The following ERBB4 variants were observed in gnomAD, a reference collection of about 807,000 sequenced individuals.
ERBB4 encodes erb-b2 receptor tyrosine kinase 4.
ERBB4 carries 42 observed loss-of-function variants against 158.0 expected under a neutral mutation model. That is an observed-to-expected ratio of 0.27 (90% CI 0.21 to 0.34). ERBB4 has a LOEUF of 0.34. ERBB4 is among the 10% of genes least tolerant of loss of function. The pLI, the probability that ERBB4 is intolerant of heterozygous loss-of-function variation, is 1.00. For missense variants in ERBB4, 1,333 were observed against 1,624.1 expected, an observed-to-expected ratio of 0.82 and a Z score of 3.08; for synonymous variants, 583 against 558.7, an observed-to-expected ratio of 1.04 and a Z score of -0.61.
chr2:211,877,570 T>A (rs976521467), intron 3 of ERBB4, among the ~76,000 whole-genome samples: 1 of 151,984 alleles, frequency 6.6e-6, no homozygotes, highest in Non-Finnish European at 1.5e-5. Flanking sequence ...AAATGTCTTT[T>A]TTTTTTTCCA....
intron 25 of ERBB4, among the ~76,000 whole-genome samples, chr2:211,389,260 C>T (rs2062751822): frequency 6.6e-6 from 1 of 152,154 alleles, no homozygotes; most frequent in South Asian, 2.1e-4. Context: ...TAGTCTCAAT[C>T]TCCTGACCTG....
intron 1 of ERBB4, among the ~76,000 whole-genome samples, chr2:212,153,775 T>C (rs1053315042): frequency 1.3e-5 from 2 of 152,166 alleles, no homozygotes; most frequent in African/African-American, 2.4e-5. Context: ...CACTTTCTAG[T>C]TCCAGTGAAG....
chr2:211,941,574 G>A lies in ERBB4; in HGVS notation c.421+5856C>T, dbSNP rs1328578782. 2.0e-5 allele frequency among the ~76,000 whole-genome samples: 3 copies of A among 152,066 alleles called. No individual in the cohort carries two copies. The East Asian group carries it at 5.8e-4, about 29-fold the overall frequency. On this transcript the variant is annotated intron_variant, in intron 3 of 27. Transcript: ENST00000342788. ...CAACAGGTGCTTGGCATGAAACACT[G>A]AAAGACAGGAGAGAAGTGCTGTGAG...
chr2:212,127,406 C>T (rs1280133356), intron 1 of ERBB4, among the ~76,000 whole-genome samples: 5 of 152,166 alleles, frequency 3.3e-5, no homozygotes, highest in Non-Finnish European at 7.3e-5. Flanking sequence ...TCCTGGTCAA[C>T]ACAGTGAAAC....
At chr2:212,095,945 AG>A (rs2078919362) in intron 2 of ERBB4, among the ~76,000 whole-genome samples, 12 of 78,908 alleles carry the variant, frequency 1.5e-4, no homozygotes, top group African/African-American at 3.5e-4. Context: ...AAAAAAAAAA[AG>A]AAAAAAAAAA....
chr2:211,782,722 A>G (rs972366659), intron 4 of ERBB4, among the ~76,000 whole-genome samples: 4 of 152,088 alleles, frequency 2.6e-5, no homozygotes, highest in Non-Finnish European at 5.9e-5. Flanking sequence ...GTTCTGTTCC[A>G]TTGGTCTATA....
chr2:211,758,691 T>C (rs894525501), intron 4 of ERBB4, among the ~76,000 whole-genome samples: 3 of 152,340 alleles, frequency 2.0e-5, no homozygotes, highest in South Asian at 4.1e-4. Flanking sequence ...TAATGAGCAC[T>C]TACTATGAGC....
At chr2:212,219,006 G>A (rs557228413) in intron 1 of ERBB4, among the ~76,000 whole-genome samples, 16 of 151,082 alleles carry the variant, frequency 1.1e-4, no homozygotes, top group South Asian at 1.0e-3. Flanking sequence ...ACAATGATTC[G>A]TGTAGATTCC....
Position 211,905,832 on chromosome 2 carries a change from TAAAG to T in ERBB4, c.421+41594_421+41597del, listed in dbSNP as rs202244014. Among the ~76,000 whole-genome samples the T allele has an allele frequency of 8.5e-3, 1,263 of 148,712 alleles. 16 individuals carry two copies. Among genetic ancestry groups the T allele is most frequent in the African/African-American group, 0.029 (1,154 of 40,202 alleles). On this transcript the variant is annotated intron_variant, in intron 3 of 27. Transcript: ENST00000342788. The stretch of plus-strand genomic sequence containing the variant: ...AAAAGGTGGCATTTGGAAAAACACT[TAAAG>T]AAGGTGAAAAATTGAAACAGAGTTT...
At chr2:211,830,087 G>A (rs1321496710) in intron 3 of ERBB4, among the ~76,000 whole-genome samples, 1 of 152,186 alleles carries the variant, frequency 6.6e-6, no homozygotes, top group African/African-American at 2.4e-5. Context: ...CCTAACACTA[G>A]CACACTGCTC....
intron 1 of ERBB4, among the ~76,000 whole-genome samples, chr2:212,298,975 GATA>G (rs982727474): frequency 6.6e-6 from 1 of 151,630 alleles, no homozygotes; most frequent in Non-Finnish European, 1.5e-5. Flanking sequence ...TACTTTACAT[GATA>G]ATAATTATCA....
intron 1 of ERBB4, among the ~76,000 whole-genome samples, chr2:212,317,420 T>G (rs1407208049): frequency 1.3e-5 from 2 of 151,586 alleles, no homozygotes; most frequent in Non-Finnish European, 3.0e-5. Context: ...GAACAGCTGG[T>G]TAAAAACAAG....
At chr2:212,481,238 C>T (rs1295937920) in intron 1 of ERBB4, among the ~76,000 whole-genome samples, 1 of 151,802 alleles carries the variant, frequency 6.6e-6, no homozygotes, top group Non-Finnish European at 1.5e-5. Context: ...AGATATATAT[C>T]TCATACACAC....
chr2:211,801,980 C>A (rs2076507415), intron 3 of ERBB4, among the ~76,000 whole-genome samples: 1 of 152,178 alleles, frequency 6.6e-6, no homozygotes, highest in South Asian at 2.1e-4. Flanking sequence ...GGAATACAGG[C>A]CGGGCACGGT....
intron 2 of ERBB4, among the ~76,000 whole-genome samples, chr2:211,983,868 A>G (rs1453700578): frequency 6.6e-6 from 1 of 152,202 alleles, no homozygotes; most frequent in African/African-American, 2.4e-5. Context: ...ATAATGTATA[A>G]AAATGTCTAA....
chr2:212,457,945 T>C (rs1327174827), intron 1 of ERBB4, among the ~76,000 whole-genome samples: 2 of 151,980 alleles, frequency 1.3e-5, no homozygotes, highest in Non-Finnish European at 2.9e-5. Context: ...TTATTATTTA[T>C]TATTTTTTAT....
chr2:211,558,782 G>A (rs911316141), intron 20 of ERBB4, among the ~76,000 whole-genome samples: 14 of 151,774 alleles, frequency 9.2e-5, no homozygotes, highest in African/African-American at 3.1e-4. Flanking sequence ...AAAAATAAAG[G>A]AAGGACTCCC....
intron 1 of ERBB4, among the ~76,000 whole-genome samples, chr2:212,329,447 T>C (rs1430425787): frequency 1.3e-5 from 2 of 152,088 alleles, no homozygotes; most frequent in Non-Finnish European, 2.9e-5. Context: ...GATTACATGG[T>C]CATAGCCTAC....
At chr2:211,565,197 C>T (rs2067511937) in intron 19 of ERBB4, among the ~76,000 whole-genome samples, 1 of 152,096 alleles carries the variant, frequency 6.6e-6, no homozygotes, top group Non-Finnish European at 1.5e-5. Flanking sequence ...AACAGAAAAT[C>T]ATACTTACGA....
Sources: gnomAD v4.1 joint callset for allele counts (sites outside exome capture counted in the v4.1 genomes callset) on GRCh38, gnomAD v4.1.1 for gene constraint, MANE v1.5 for transcripts, NCBI Gene and HGNC (gene_info 2026-07-23, HGNC 2026-07-21) for gene names.